Variants in NBEA observed in about 807,000 individuals in gnomAD.
NBEA encodes neurobeachin, also known as lysosomal-trafficking regulator 2.
NBEA carries 44 observed loss-of-function variants against 343.4 expected under a neutral mutation model. The ratio of observed to expected loss-of-function variants is 0.13; its 90% confidence interval spans 0.10 to 0.16. NBEA has a LOEUF of 0.16. Among genes scored for constraint, NBEA ranks in the 10% least tolerant of loss-of-function variants. NBEA has a pLI of 1.00. For missense variants in NBEA, 2,555 were observed against 3,631.3 expected (o/e 0.70, Z 7.62); for synonymous variants, 1,175 against 1,238.7 (o/e 0.95, Z 1.08).
At chr13:35,077,548 C>T (rs1324624129) in intron 10 of NBEA, among the ~76,000 whole-genome samples, 2 of 151,980 alleles carry the variant, frequency 1.3e-5, no homozygotes, top group African/African-American at 4.8e-5. Flanking sequence ...GATATTATTC[C>T]TTAAATACCT....
At chr13:35,118,866 T>C (rs895485835) in intron 16 of NBEA, among the ~76,000 whole-genome samples, 1 of 149,314 alleles carries the variant, frequency 6.7e-6, no homozygotes, top group Non-Finnish European at 1.5e-5. Flanking sequence ...ACTTTAGTGG[T>C]TTTTTTCTTT....
rs115271651 is a variant in NBEA, at chr13:35,660,225, G to C, written c.8362+4476G>C. On this transcript the variant is annotated intron_variant, in intron 55 of 58. Transcript: ENST00000379939. Reference sequence around the variant, plus strand: ...AGTTAACATTGTTGTCTCTTCAACAGACACTCAAAATACATTGGGACTTCA... The same window carrying C: ...AGTTAACATTGTTGTCTCTTCAACACACACTCAAAATACATTGGGACTTCA... Among the ~76,000 whole-genome samples the C allele has an allele frequency of 4.7e-3, 712 of 152,284 alleles. 5 individuals carry two copies. The highest frequency in any genetic ancestry group is 0.016 in the African/African-American group (661 of 41,550).
chr13:35,284,758 TG>T (rs1943351903), intron 34 of NBEA, among the ~76,000 whole-genome samples: 1 of 152,154 alleles, frequency 6.6e-6, no homozygotes, highest in Non-Finnish European at 1.5e-5. Flanking sequence ...GTGACTTACA[TG>T]GTAACATTGA....
intron 1 of NBEA, among the ~76,000 whole-genome samples, chr13:34,985,995 T>C (rs983677321): frequency 2.0e-5 from 3 of 150,780 alleles, no homozygotes; most frequent in African/African-American, 7.3e-5. Context: ...AGCTCCTGGA[T>C]TCATGGTTTT....
At chr13:35,366,057 C>CT (rs1234569779) in intron 38 of NBEA, among the ~76,000 whole-genome samples, 1 of 151,532 alleles carries the variant, frequency 6.6e-6, no homozygotes, top group Non-Finnish European at 1.5e-5. Flanking sequence ...AGAGAGAAGA[C>CT]TATTTATGTT....
At chr13:35,354,044 C>T (rs1261641151) in intron 38 of NBEA, among the ~76,000 whole-genome samples, 5 of 152,100 alleles carry the variant, frequency 3.3e-5, no homozygotes, top group Non-Finnish European at 5.9e-5. Context: ...TTGGATGAGC[C>T]TTTCCCACAT....
At chr13:35,495,195 G>A (rs1253592480) in intron 41 of NBEA, among the ~76,000 whole-genome samples, 1 of 151,784 alleles carries the variant, frequency 6.6e-6, no homozygotes, top group Non-Finnish European at 1.5e-5. Flanking sequence ...CACACAAACA[G>A]CAACCATAAA....
intron 1 of NBEA, among the ~76,000 whole-genome samples, chr13:34,981,498 T>G (rs1200403669): frequency 6.6e-6 from 1 of 152,202 alleles, no homozygotes; most frequent in Non-Finnish European, 1.5e-5. Context: ...TGACAATTGA[T>G]TTTTGAATGT....
intron 35 of NBEA, among the ~76,000 whole-genome samples, chr13:35,305,902 T>G (rs2036860929): frequency 6.6e-6 from 1 of 152,236 alleles, no homozygotes; most frequent in Admixed American, 6.5e-5. Flanking sequence ...ATGTTACTGA[T>G]AGTTTGGCTG....
At chr13:35,061,192 C>T (rs984125809) in intron 8 of NBEA, among the ~76,000 whole-genome samples, 5 of 151,540 alleles carry the variant, frequency 3.3e-5, no homozygotes, top group Non-Finnish European at 7.4e-5. Flanking sequence ...AATTTTTGTT[C>T]TGTCGAATTT....
Position 35,091,482 on chromosome 13 carries a change from A to T in NBEA, c.1572-6815A>T, listed in dbSNP as rs891268003. On this transcript the variant is annotated intron_variant, in intron 10 of 58. Coordinates refer to ENST00000379939, the MANE Select transcript of NBEA (RefSeq NM_001385012.1). Reference sequence around the variant, plus strand: ...TAAGAAAATGAAAGTCATACAGATTATAAAGGAAAAATAGAATTATCTGTT... The same window carrying T: ...TAAGAAAATGAAAGTCATACAGATTTTAAAGGAAAAATAGAATTATCTGTT... Among the ~76,000 whole-genome samples the T allele has an allele frequency of 2.0e-5, 3 of 152,022 alleles. No homozygotes were observed. The South Asian group carries it at 6.2e-4, about 31-fold the overall frequency.
intron 40 of NBEA, among the ~76,000 whole-genome samples, chr13:35,454,941 CTTATA>C: frequency 6.6e-6 from 1 of 151,828 alleles, no homozygotes; most frequent in Middle Eastern, 3.4e-3. Context: ...TTAATATAAT[CTTATA>C]TTTATTTGCT....
chr13:35,532,193 A>G (rs1431375304), intron 41 of NBEA, among the ~76,000 whole-genome samples: 1 of 152,122 alleles, frequency 6.6e-6, no homozygotes, highest in Non-Finnish European at 1.5e-5. Flanking sequence ...TTGTCATTGA[A>G]TTTCATTTTA....
rs1471306003 is a variant in NBEA at position 35,182,390 on chromosome 13, C to T, written c.4693C>T (p.Leu1565=). The T allele has an allele frequency of 6.2e-7, 1 of 1,610,174 alleles. No homozygotes were observed. Among genetic ancestry groups the T allele is most frequent in the Non-Finnish European group, 8.5e-7 (1 of 1,177,650 alleles). Residue 1565 remains leucine, a synonymous_variant, in exon 29 of 59, where the codon CTG becomes TTG. Coordinates refer to ENST00000379939, the MANE Select transcript of NBEA (RefSeq NM_001385012.1). The part of the protein sequence containing the change: ...DDSKQAQFLA[L]AVVYFISVLM... ...TAGCAAACAAGCACAGTTCTTAGCTCTGGCTGTTGTTTACTTCATTTCGGT... is the reference window on the plus strand; with the variant it reads ...TAGCAAACAAGCACAGTTCTTAGCTTTGGCTGTTGTTTACTTCATTTCGGT...
intron 52 of NBEA, 74 bp downstream of exon 52, chr13:35,649,921 ACT>A: frequency 8.2e-7 from 1 of 1,221,526 alleles, no homozygotes; most frequent in Non-Finnish European, 1.1e-6. Context: ...GTGTACTGGG[ACT>A]GGGATTAGCT....
intron 41 of NBEA, among the ~76,000 whole-genome samples, chr13:35,539,758 T>TA (rs2078724185): frequency 6.7e-6 from 1 of 149,220 alleles, no homozygotes; most frequent in African/African-American, 2.5e-5. Context: ...CTACTAAAAA[T>TA]ACAAAAAATT....
intron 41 of NBEA, among the ~76,000 whole-genome samples, chr13:35,522,741 C>A (rs917247165): frequency 1.3e-5 from 2 of 151,972 alleles, no homozygotes; most frequent in African/African-American, 4.8e-5. Flanking sequence ...GGATCGTGAA[C>A]CCTATTGTGA....
intron 49 of NBEA, among the ~76,000 whole-genome samples, chr13:35,638,337 A>G (rs1369575023): frequency 2.6e-5 from 4 of 152,300 alleles, no homozygotes; most frequent in East Asian, 3.9e-4. Context: ...ACAAAGGTAT[A>G]GACATGGTAA....
chr13:35,359,443 C>G (rs1043501578), intron 38 of NBEA, among the ~76,000 whole-genome samples: 1 of 152,084 alleles, frequency 6.6e-6, no homozygotes, highest in African/African-American at 2.4e-5. Flanking sequence ...TGTTATATCC[C>G]TGTTCTCAAA....
Sources: gnomAD v4.1 joint callset for allele counts (sites outside exome capture counted in the v4.1 genomes callset) on GRCh38, gnomAD v4.1.1 for gene constraint, MANE v1.5 for transcripts, NCBI Gene and HGNC (gene_info 2026-07-23, HGNC 2026-07-21) for gene names.